Variants in PSKH1 observed in about 807,000 individuals in gnomAD.
The protein encoded by PSKH1 is protein serine kinase H1.
In PSKH1, 12 loss-of-function variants were observed where a neutral mutation model predicts 26.7. The observed-to-expected ratio is 0.45, with a 90% CI of 0.29 to 0.73. The LOEUF is 0.73. Among genes scored for constraint, PSKH1 ranks in the 30% least tolerant of loss-of-function variants. The probability of loss-of-function intolerance (pLI) is 0.11; values close to 1 mark genes in which losing one functional copy is unlikely to be tolerated. For synonymous variants in PSKH1, 213 were observed against 234.3 expected (o/e 0.91, Z 0.83); for missense variants, 431 against 595.2 (o/e 0.72, Z 2.87).
At position 67,927,457 on chromosome 16, in the gene PSKH1, A is replaced by G. The variant is rs764840386; in HGVS notation, c.1090A>G (p.Met364Val). 1 of 1,614,178 alleles carries G rather than the reference A, an allele frequency of 6.2e-7. No individual in the cohort carries two copies. Among genetic ancestry groups the G allele is most frequent in the South Asian group, 1.1e-5 (1 of 91,080 alleles). The change falls in exon 3 of 3, where the codon ATG becomes GTG. Residue 364 changes from methionine to valine, a missense_variant. Transcript: ENST00000291041. This position sits in a 1 kb window ranked among gnomAD's most constrained non-coding sequence, Gnocchi z 5.5. The part of the protein sequence containing the change: ...WVVSMAASSS[M>V]KNLHRSISQN... Reference sequence around the variant, plus strand: ...GGTGAGCATGGCTGCCTCTTCATCCATGAAGAACCTGCACCGCTCCATATC... The same window carrying G: ...GGTGAGCATGGCTGCCTCTTCATCCGTGAAGAACCTGCACCGCTCCATATC...
chr16:67,904,581 T>TC (rs1293452979), intron 1 of PSKH1, among the ~76,000 whole-genome samples: 2 of 151,854 alleles, frequency 1.3e-5, no homozygotes, highest in Non-Finnish European at 2.9e-5. Flanking sequence ...CTCAGGTGAT[T>TC]CGCCTGCCTC....
At chr16:67,905,452 C>A (rs1210826010) in intron 1 of PSKH1, among the ~76,000 whole-genome samples, 1 of 152,214 alleles carries the variant, frequency 6.6e-6, no homozygotes, top group Non-Finnish European at 1.5e-5. Flanking sequence ...CTCATTCTTG[C>A]TTCAAAATTC....
At chr16:67,924,150 AGGACGACTTGAGTCACTTTGGCTTGGG>A (rs533400959) in intron 2 of PSKH1, among the ~76,000 whole-genome samples, 1 of 152,332 alleles carries the variant, frequency 6.6e-6, no homozygotes, top group South Asian at 2.1e-4. Context: ...GGACCAGTTC[AGGACGACTTGAGTCACTTTGGCTTGGG>A]GGACCCACCT....
At chr16:67,915,206 AGAGTGT>A (rs750233586) in intron 2 of PSKH1, among the ~76,000 whole-genome samples, 2 of 144,620 alleles carry the variant, frequency 1.4e-5, no homozygotes, top group Admixed American at 6.8e-5. Context: ...AGAGAGAGAG[AGAGTGT>A]GTGTGTGTGT....
intron 1 of PSKH1, among the ~76,000 whole-genome samples, chr16:67,902,500 G>A (rs1798140444): frequency 6.6e-6 from 1 of 151,968 alleles, no homozygotes; most frequent in South Asian, 2.1e-4. Context: ...TTTCACCCAT[G>A]TTGGTCAGGC....
Position 67,909,424 on chromosome 16 carries a change from C to T in PSKH1, c.675C>T (p.Leu225=), listed in dbSNP as rs775091361. ...THRDLKPENL[L]YYHPGTDSKI... Reference sequence around the variant, plus strand: ...GAGACCTCAAACCTGAGAATCTGCTCTACTACCATCCGGGCACTGACTCCA... The same window carrying T: ...GAGACCTCAAACCTGAGAATCTGCTTTACTACCATCCGGGCACTGACTCCA... Residue 225 remains leucine, a synonymous_variant, in exon 2 of 3, where the codon CTC becomes CTT. Coordinates refer to ENST00000291041, the MANE Select transcript of PSKH1 (RefSeq NM_006742.3). The surrounding 1 kb of genome is among the most constrained non-coding windows in gnomAD (Gnocchi z 7.8). The T allele has an allele frequency of 7.4e-6, 12 of 1,613,542 alleles. No homozygotes were observed. The East Asian group carries it at 2.5e-4, about 33-fold the overall frequency.
chr16:67,893,556 G>A (rs1227745633), intron 1 of PSKH1, among the ~76,000 whole-genome samples, 185 bp downstream of exon 1: 2 of 152,246 alleles, frequency 1.3e-5, no homozygotes, highest in Non-Finnish European at 2.9e-5. Flanking sequence ...GGTTCCCGGC[G>A]TCCGAGTCTG....
chr16:67,906,063 A>G (rs1290008980), intron 1 of PSKH1, among the ~76,000 whole-genome samples: 2 of 151,144 alleles, frequency 1.3e-5, no homozygotes, highest in Non-Finnish European at 2.9e-5. Context: ...TTCCAGTTCT[A>G]TTTGTCATAA....
chr16:67,896,320 G>A (rs1182505302), intron 1 of PSKH1, among the ~76,000 whole-genome samples: 2 of 151,854 alleles, frequency 1.3e-5, no homozygotes, highest in African/African-American at 4.8e-5. Context: ...TATTGCTCAG[G>A]CTGGTCTCAA....
chr16:67,907,254 C>T (rs1357391318), intron 1 of PSKH1, among the ~76,000 whole-genome samples: 2 of 150,444 alleles, frequency 1.3e-5, no homozygotes, highest in East Asian at 2.0e-4. Context: ...TGAGCCACCG[C>T]GCCTGGCCAA....
At chr16:67,904,185 T>G (rs2058149511) in intron 1 of PSKH1, among the ~76,000 whole-genome samples, 1 of 150,862 alleles carries the variant, frequency 6.6e-6, no homozygotes, top group African/African-American at 2.4e-5. Flanking sequence ...CTGGCTAATT[T>G]TTGTATTTGT....
At chr16:67,921,513 G>A (rs1281562600) in intron 2 of PSKH1, among the ~76,000 whole-genome samples, 1 of 151,988 alleles carries the variant, frequency 6.6e-6, no homozygotes, top group Non-Finnish European at 1.5e-5. Context: ...AGGCGGAGTT[G>A]CAGTTAGCTG....
At chr16:67,926,195 C>T (rs957359330) in intron 2 of PSKH1, among the ~76,000 whole-genome samples, 8 of 152,080 alleles carry the variant, frequency 5.3e-5, no homozygotes, top group African/African-American at 1.7e-4. Flanking sequence ...CCTCAGAGCC[C>T]GTGCCAGAAG....
intron 1 of PSKH1, among the ~76,000 whole-genome samples, chr16:67,906,838 CTCTG>C (rs960596800): frequency 1.7e-4 from 26 of 152,266 alleles, no homozygotes; most frequent in African/African-American, 5.5e-4. Context: ...GTTGGAACAT[CTCTG>C]TCTGGGAATC....
At position 67,929,013 on chromosome 16, in the gene PSKH1, G is replaced by T. The variant is rs1206183140; in HGVS notation, c.*1371G>T. Reference sequence around the variant, plus strand: ...CCCACTGAGCCTCAAGCTGGAAGGAGCCCCTGCGGGAGGTGGGTGGGGTTG... The same window carrying T: ...CCCACTGAGCCTCAAGCTGGAAGGATCCCCTGCGGGAGGTGGGTGGGGTTG... On this transcript the variant is annotated 3_prime_UTR_variant, in exon 3 of 3. Coordinates refer to ENST00000291041, the MANE Select transcript of PSKH1 (RefSeq NM_006742.3). 6.5e-6 allele frequency: 1 copy of T among 152,842 alleles called. No individual in the cohort carries two copies. The highest frequency in any genetic ancestry group is 1.5e-5 in the Non-Finnish European group (1 of 68,158). 9.5% of individuals were successfully genotyped at this position (152,842 alleles called of 1,614,324 possible).
At chr16:67,922,934 G>A (rs1388084380) in intron 2 of PSKH1, among the ~76,000 whole-genome samples, 1 of 152,240 alleles carries the variant, frequency 6.6e-6, no homozygotes, top group Non-Finnish European at 1.5e-5. Flanking sequence ...TGCAGCCTCT[G>A]CTAGAGAGCT....
chr16:67,925,068 G>A (rs1251470291), intron 2 of PSKH1, among the ~76,000 whole-genome samples: 1 of 152,090 alleles, frequency 6.6e-6, no homozygotes, highest in Non-Finnish European at 1.5e-5. Flanking sequence ...GACTCCCAGA[G>A]TGTTGGGATT....
At chr16:67,904,609 G>T (rs2058150963) in intron 1 of PSKH1, among the ~76,000 whole-genome samples, 1 of 151,962 alleles carries the variant, frequency 6.6e-6, no homozygotes, top group African/African-American at 2.4e-5. Flanking sequence ...CAAAGTGCTA[G>T]GATTACAGGC....
At chr16:67,900,355 C>A (rs1044599743) in intron 1 of PSKH1, among the ~76,000 whole-genome samples, 4 of 152,162 alleles carry the variant, frequency 2.6e-5, no homozygotes, top group Non-Finnish European at 1.5e-5. Flanking sequence ...AAGGGTCTGA[C>A]AGCTGTAGTG....
Sources: gnomAD v4.1 joint callset for allele counts (sites outside exome capture counted in the v4.1 genomes callset) on GRCh38, gnomAD v4.1.1 for gene constraint, Gnocchi (gnomAD v3.1) non-coding constraint, MANE v1.5 for transcripts, NCBI Gene and HGNC (gene_info 2026-07-23, HGNC 2026-07-21) for gene names.